The following HCRTR2 variants were observed in gnomAD, a reference collection of about 807,000 sequenced individuals.
The protein encoded by HCRTR2 is hypocretin receptor 2.
HCRTR2 carries 22 observed loss-of-function variants against 49.0 expected under a neutral mutation model. That is an observed-to-expected ratio of 0.45 (90% CI 0.32 to 0.64). The LOEUF is 0.64. Ranked by LOEUF, HCRTR2 falls within the 30% of genes least tolerant of loss-of-function variation. The pLI, the probability that HCRTR2 is intolerant of heterozygous loss-of-function variation, is 0.04. For missense variants in HCRTR2, 491 were observed against 559.4 expected (o/e 0.88, Z 1.23); for synonymous variants, 236 against 205.3 (o/e 1.15, Z -1.28).
chr6:55,174,650 G>A lies in HCRTR2; in HGVS notation c.63G>A (p.Leu21=). 6.2e-7 allele frequency: 1 copy of A among 1,614,074 alleles called. No homozygotes were observed. Among genetic ancestry groups the A allele is most frequent in the Non-Finnish European group, 8.5e-7 (1 of 1,180,008 alleles). The change falls in exon 1 of 7, where the codon CTG becomes CTA. Residue 21 remains leucine (L), a synonymous_variant. Transcript: ENST00000370862. ...PCRNWSSASE[L]NETQEPFLNP... is the part of the protein sequence containing the mutation. ...GCAACTGGTCATCTGCTTCGGAGCTGAATGAAACTCAAGAGCCCTTTTTAA... is the reference window on the plus strand; with the variant it reads ...GCAACTGGTCATCTGCTTCGGAGCTAAATGAAACTCAAGAGCCCTTTTTAA...
intron 1 of HCRTR2, among the ~76,000 whole-genome samples, chr6:55,215,140 A>G (rs1230754030): frequency 1.3e-5 from 2 of 152,202 alleles, no homozygotes; most frequent in African/African-American, 4.8e-5. Context: ...TTATAATCTA[A>G]TTATCAAAAG....
At chr6:55,116,907 T>C (rs1204726461) in intron 1 of HCRTR2, among the ~76,000 whole-genome samples, 1 of 151,684 alleles carries the variant, frequency 6.6e-6, no homozygotes, top group African/African-American at 2.4e-5. Context: ...CAGATTTCCA[T>C]CCTTGCTAAA....
intron 1 of HCRTR2, among the ~76,000 whole-genome samples, chr6:55,211,963 C>T (rs959184233): frequency 1.2e-4 from 18 of 152,132 alleles, no homozygotes; most frequent in African/African-American, 4.3e-4. Context: ...TATCTTGTCC[C>T]CTGTTTAGCA....
intron 2 of HCRTR2, among the ~76,000 whole-genome samples, chr6:55,251,070 A>G (rs1463261689): frequency 3.3e-5 from 5 of 152,174 alleles, no homozygotes; most frequent in African/African-American, 9.6e-5. Flanking sequence ...GGCAATAAAC[A>G]TATAATTTAA....
chr6:55,194,861 T>C (rs1765382435), intron 1 of HCRTR2, among the ~76,000 whole-genome samples: 1 of 148,360 alleles, frequency 6.7e-6, no homozygotes, highest in Admixed American at 7.1e-5. Context: ...AAAGAGATGT[T>C]GGCCTCTTGT....
At chr6:55,269,570 C>A (rs1766932288) in intron 4 of HCRTR2, among the ~76,000 whole-genome samples, 1 of 151,786 alleles carries the variant, frequency 6.6e-6, no homozygotes, top group Admixed American at 6.6e-5. Context: ...TATACATTAG[C>A]AAATAAAAAT....
At position 55,271,464 on chromosome 6, in the gene HCRTR2, C is replaced by T. The variant is rs114483480; in HGVS notation, c.763-5916C>T. Among the ~76,000 whole-genome samples the T allele has an allele frequency of 2.1e-3, 319 of 152,174 alleles. 2 individuals are homozygous for T. The highest frequency in any genetic ancestry group is 6.3e-3 in the African/African-American group (260 of 41,548). ...AAACACAGAAGAAAATCATCATGAC[C>T]TTGGCTTAACCAATAGGTTCTAAAT... is the stretch of plus-strand genomic sequence containing the variant. On this transcript the variant is annotated intron_variant, in intron 4 of 6. Coordinates refer to ENST00000370862, the MANE Select transcript of HCRTR2 (RefSeq NM_001384272.1).
intron 1 of HCRTR2, among the ~76,000 whole-genome samples, chr6:55,163,377 G>A (rs1202440404): frequency 6.6e-6 from 1 of 151,994 alleles, no homozygotes; most frequent in Non-Finnish European, 1.5e-5. Flanking sequence ...TTCAAATTAT[G>A]CTACAAGGCT....
At chr6:55,136,520 A>G (rs1484781974) in intron 1 of HCRTR2, among the ~76,000 whole-genome samples, 2 of 152,218 alleles carry the variant, frequency 1.3e-5, no homozygotes, top group African/African-American at 2.4e-5. Context: ...TGAATTGAAT[A>G]TAAATTACAG....
intron 1 of HCRTR2, among the ~76,000 whole-genome samples, chr6:55,186,328 A>T (rs952971923): frequency 2.6e-5 from 4 of 152,186 alleles, no homozygotes; most frequent in African/African-American, 4.8e-5. Context: ...TATTTAAAAT[A>T]AAGCTTCAAT....
intron 1 of HCRTR2, among the ~76,000 whole-genome samples, chr6:55,167,024 G>A (rs1449064759): frequency 1.3e-5 from 2 of 152,094 alleles, no homozygotes; most frequent in Non-Finnish European, 2.9e-5. Context: ...CCAGCATGTG[G>A]GAGGAGAGGA....
At chr6:55,238,438 T>C (rs1403847239) in intron 1 of HCRTR2, among the ~76,000 whole-genome samples, 1 of 152,200 alleles carries the variant, frequency 6.6e-6, no homozygotes, top group Non-Finnish European at 1.5e-5. Context: ...AAGTAATCTT[T>C]GAAAAATAGT....
intron 1 of HCRTR2, among the ~76,000 whole-genome samples, chr6:55,212,989 A>G (rs1215099431): frequency 6.6e-6 from 1 of 152,160 alleles, no homozygotes; most frequent in Non-Finnish European, 1.5e-5. Context: ...TATTGTAGCT[A>G]TGGCATTTGA....
At chr6:55,262,456 T>C (rs1766779532) in intron 3 of HCRTR2, among the ~76,000 whole-genome samples, 1 of 131,708 alleles carries the variant, frequency 7.6e-6, no homozygotes, top group Non-Finnish European at 1.5e-5. Flanking sequence ...ATATATATTA[T>C]TTATATTATA....
At chr6:55,203,651 G>A (rs1765549830) in intron 1 of HCRTR2, among the ~76,000 whole-genome samples, 1 of 152,136 alleles carries the variant, frequency 6.6e-6, no homozygotes, top group Non-Finnish European at 1.5e-5. Context: ...CTGATAAGGT[G>A]ACATTTGAGC....
intron 4 of HCRTR2, among the ~76,000 whole-genome samples, chr6:55,274,554 G>T (rs1052619538): frequency 6.6e-6 from 1 of 151,564 alleles, no homozygotes; most frequent in Non-Finnish European, 1.5e-5. Flanking sequence ...CTTCTCAATA[G>T]AACCAATCTG....
chr6:55,134,194 G>C lies in HCRTR2; in HGVS notation c.-378+27649G>C, dbSNP rs74296541. On this transcript the variant is annotated intron_variant, in intron 1 of 7. Coordinates refer to the HCRTR2 transcript ENST00000615358. ...TGGGTGATAGTCCTTTTAAGTTGAG[G>C]AGACTGATTATTCTGTTTTTGTTTG... Among the ~76,000 whole-genome samples, 545 of 150,076 alleles carry C rather than the reference G, an allele frequency of 3.6e-3. 8 individuals are homozygous for C. The highest frequency in any genetic ancestry group is 0.034 in the East Asian group (174 of 5,164).
At chr6:55,123,711 C>CT (rs1764234053) in intron 1 of HCRTR2, among the ~76,000 whole-genome samples, 1 of 152,138 alleles carries the variant, frequency 6.6e-6, no homozygotes, top group Non-Finnish European at 1.5e-5. Context: ...CTACCAGCTC[C>CT]TTTTTCTACC....
chr6:55,168,914 T>C (rs1024652288), intron 1 of HCRTR2, among the ~76,000 whole-genome samples: 2 of 152,070 alleles, frequency 1.3e-5, no homozygotes, highest in African/African-American at 4.8e-5. Context: ...ACATTACTTG[T>C]CTCACAAAAA....
Sources: allele counts gnomAD v4.1 joint callset (sites outside exome capture counted in the v4.1 genomes callset), GRCh38; gene constraint gnomAD v4.1.1; transcripts MANE v1.5; gene names NCBI Gene and HGNC (gene_info 2026-07-23, HGNC 2026-07-21).